MAP3K12: variants seen among roughly 807,000 people sequenced by gnomAD.
MAP3K12 encodes the protein MAPK-upstream kinase.
MAP3K12 carries 14 observed loss-of-function variants against 87.5 expected under a neutral mutation model. The observed-to-expected ratio is 0.16, with a 90% CI of 0.11 to 0.25. MAP3K12 has a LOEUF of 0.25. Ranked by LOEUF, MAP3K12 falls within the 10% of genes least tolerant of loss-of-function variation. MAP3K12 has a pLI of 1.00. For missense variants in MAP3K12, 802 were observed against 1,140.4 expected (o/e 0.70, Z 4.27); for synonymous variants, 469 against 452.5 (o/e 1.04, Z -0.46).
At chr12:53,484,885 A>G (rs543098919) in intron 6 of MAP3K12, 171 bp downstream of exon 6, 2 of 742,766 alleles carry the variant, frequency 2.7e-6, no homozygotes, top group East Asian at 5.4e-5. Flanking sequence ...TTCAGAGTAG[A>G]TACCAATTAC....
chr12:53,483,138 C>G lies in MAP3K12; in HGVS notation c.1665G>C (p.Leu555=). 2.0e-6 allele frequency: 3 copies of G among 1,521,008 alleles called. No individual in the cohort carries two copies. The highest frequency in any genetic ancestry group is 2.3e-5 in the East Asian group (1 of 44,112). 94.2% of individuals were successfully genotyped at this position (1,521,008 alleles called of 1,614,324 possible). The change falls in exon 11 of 14, where the codon CTG becomes CTC. Residue 555 remains leucine (L), a synonymous_variant. Transcript: ENST00000547488. The stretch of plus-strand genomic sequence containing the variant: ...GACACCCAGGAAGCCCCACCCCACT[C>G]AGGGCTGCATCTAGTTTAGGGAGCA... The part of the protein sequence containing the change: ...ESLLPKLDAA[L]SGVGLPGCPK...
At chr12:53,499,391 GCCCCCCAC>G in intron 1 of MAP3K12, 28 bp downstream of exon 1, 1 of 98,200 alleles carries the variant, frequency 1.0e-5, no homozygotes, top group East Asian at 2.5e-4. Context: ...ACCCATCCCT[GCCCCCCAC>G]CCCCCCACAA....
At chr12:53,499,323 C>G (rs1046646706) in intron 1 of MAP3K12, 104 bp downstream of exon 1, 1 of 153,016 alleles carries the variant, frequency 6.5e-6, no homozygotes, top group African/African-American at 2.4e-5. Context: ...GCCATCACCC[C>G]GCACCAGGCC....
intron 1 of MAP3K12, among the ~76,000 whole-genome samples, chr12:53,490,323 T>C (rs1943365135): frequency 1.3e-5 from 2 of 151,100 alleles, no homozygotes; most frequent in African/African-American, 4.9e-5. Flanking sequence ...AAAAAACAGA[T>C]TGGGCCAGGC....
At position 53,482,387 on chromosome 12, in the gene MAP3K12, T is replaced by C; in HGVS notation, c.2239-18A>G. On this transcript the variant is annotated intron_variant, in intron 11 of 13. Coordinates refer to ENST00000547488, the MANE Select transcript of MAP3K12 (RefSeq NM_001193511.2). ...CCACGTTTCTGCAGGAGAGATGGGG[T>C]GGGGGGGGTCTGATTAGAAGTGGAA... 6.3e-7 allele frequency: 1 copy of C among 1,595,284 alleles called. No homozygotes were observed.
At chr12:53,485,764 G>C in intron 4 of MAP3K12, 1 of 513,820 alleles carries the variant, frequency 1.9e-6, no homozygotes, top group South Asian at 2.3e-5. Context: ...CACCATGTTG[G>C]CCAGGATGGT....
chr12:53,485,061 C>T lies in MAP3K12; in HGVS notation c.1134G>A (p.Gln378=). The T allele has an allele frequency of 1.9e-6, 3 of 1,614,184 alleles. No homozygotes were observed. The highest frequency in any genetic ancestry group is 2.5e-6 in the Non-Finnish European group (3 of 1,180,036). Residue 378 remains glutamine, a synonymous_variant, in exon 6 of 14, where the codon CAG becomes CAA. Transcript: ENST00000547488. ...CPDGFKILLR[Q]CWNSKPRNRP... ...CCAGCCCAGACCATCCTTACCAGCA[C>T]TGGCGAAGCAGGATCTTGAAACCAT...
chr12:53,486,723 A>C lies in MAP3K12; in HGVS notation c.446-101T>G. 6.9e-7 allele frequency: 1 copy of C among 1,455,268 alleles called. No homozygotes were observed. 90.1% of individuals were successfully genotyped at this position (1,455,268 alleles called of 1,614,324 possible). ...TGGCTGAATTGACTTAAGGAGGGTG[A>C]GGCAGAAAGCCAAAAATAGGCCAAG... On this transcript the variant is annotated intron_variant, in intron 2 of 13. Coordinates refer to ENST00000547488, the MANE Select transcript of MAP3K12 (RefSeq NM_001193511.2). The surrounding 1 kb of genome is among the most constrained non-coding windows in gnomAD (Gnocchi z 4.9).
In MAP3K12 at chr12:53,481,044, A is replaced by G. The variant is rs1037258857; in HGVS notation, c.*138T>C. On this transcript the variant is annotated 3_prime_UTR_variant, in exon 14 of 14. Coordinates refer to ENST00000547488, the MANE Select transcript of MAP3K12 (RefSeq NM_001193511.2). ...GTTTATCAGGTGAATTGGTCAGGGG[A>G]TCAGTCTCCCTCGAGCCTGACTTAC... 3.2e-5 allele frequency: 8 copies of G among 248,618 alleles called. No individual in the cohort carries two copies. The highest frequency in any genetic ancestry group is 5.0e-5 in the Non-Finnish European group (7 of 141,118). The allele number at this position is 248,618 out of a possible 1,614,324, so 15.4% of individuals were successfully genotyped here.
At chr12:53,484,167 C>T (rs1212190237) in intron 7 of MAP3K12, 90 bp downstream of exon 7, 6 of 1,379,802 alleles carry the variant, frequency 4.3e-6, no homozygotes, top group Admixed American at 1.8e-5. Flanking sequence ...TCTTCAGTCC[C>T]ACTCAACCCA....
At position 53,481,069 on chromosome 12, in the gene MAP3K12, C is replaced by A. The variant is rs375190621; in HGVS notation, c.*113G>T. The A allele has an allele frequency of 2.1e-5, 8 of 377,628 alleles. No homozygotes were observed. Among genetic ancestry groups the A allele is most frequent in the African/African-American group, 1.5e-4 (7 of 45,570 alleles). 23.4% of individuals were successfully genotyped at this position (377,628 alleles called of 1,614,324 possible). A position where few individuals can be genotyped will look rare whatever the true frequency, so the allele number is the denominator to read the frequency against. On this transcript the variant is annotated 3_prime_UTR_variant, in exon 14 of 14. Transcript: ENST00000547488. ...ATCAGTCTCCCTCGAGCCTGACTTA[C>A]GGCTGGGACAGCCCCATCTTTCTGT...
chr12:53,481,469 C>T (rs1839707026), intron 13 of MAP3K12, 189 bp from the exon 14 acceptor site: 1 of 320,110 alleles, frequency 3.1e-6, no homozygotes, highest in Non-Finnish European at 5.8e-6. Flanking sequence ...TCTGCCTCAG[C>T]CTTCTGAGTA....
Position 53,486,171 on chromosome 12 carries a change from G to A in MAP3K12, c.706C>T (p.Arg236Trp). 1 of 1,614,096 alleles carries A rather than the reference G, an allele frequency of 6.2e-7. No homozygotes were observed. The highest frequency in any genetic ancestry group is 8.5e-7 in the Non-Finnish European group (1 of 1,179,996). Reference protein sequence around the residue: ...CAQGQLYEVLRAGRPVTPSLL... With the variant: ...CAQGQLYEVLWAGRPVTPSLL... ...GAGGGGGTGACAGGGCGGCCAGCCCGCAGTACCTCATACAGCTGGCCCTGG... is the reference window on the plus strand; with the variant it reads ...GAGGGGGTGACAGGGCGGCCAGCCCACAGTACCTCATACAGCTGGCCCTGG... Residue 236 changes from arginine to tryptophan, a missense_variant, in exon 4 of 14, where the codon CGG becomes TGG. By Grantham distance (101) the Arg-to-Trp change is moderately radical. Transcript: ENST00000547488. This position sits in a 1 kb window ranked among gnomAD's most constrained non-coding sequence, Gnocchi z 4.9.
upstream of MAP3K12, chr12:53,500,822 C>T (rs1323842904): frequency 1.3e-5 from 2 of 152,722 alleles, no homozygotes; most frequent in African/African-American, 2.4e-5. Context: ...TTGTCTCCGC[C>T]CCTTTAGTCG....
intron 10 of MAP3K12, 65 bp downstream of exon 10, chr12:53,483,284 T>G: frequency 6.3e-7 from 1 of 1,587,256 alleles, no homozygotes; most frequent in Admixed American, 1.7e-5. Flanking sequence ...ATCTCCCTGC[T>G]AATATACCTG....
Position 53,481,162 on chromosome 12 carries a change from A to G in MAP3K12, c.*20T>C. 7.6e-7 allele frequency: 1 copy of G among 1,320,032 alleles called. No homozygotes were observed. The allele number at this position is 1,320,032 out of a possible 1,614,324, so 81.8% of individuals were successfully genotyped here. A position where few individuals can be genotyped will look rare whatever the true frequency, so the allele number is the denominator to read the frequency against. On this transcript the variant is annotated 3_prime_UTR_variant, in exon 14 of 14. Transcript: ENST00000547488. ...AATTTATATAAATATTTCTCTATGT[A>G]CAAGGAATACGAGTGGCTTTCATGG...
At chr12:53,493,311 C>T (rs536739187) in intron 1 of MAP3K12, among the ~76,000 whole-genome samples, 2 of 152,128 alleles carry the variant, frequency 1.3e-5, no homozygotes, top group African/African-American at 2.4e-5. Flanking sequence ...CGGACCCCCA[C>T]CCAGCGGTCT....
At position 53,481,027 on chromosome 12, in the gene MAP3K12, G is replaced by C; in HGVS notation, c.*155C>G. On this transcript the variant is annotated 3_prime_UTR_variant, in exon 14 of 14. Coordinates refer to ENST00000547488, the MANE Select transcript of MAP3K12 (RefSeq NM_001193511.2). ...CTGCCAGTGTCCCTAGAGTTTATCA[G>C]GTGAATTGGTCAGGGGATCAGTCTC... The C allele has an allele frequency of 4.5e-6, 1 of 224,292 alleles. No individual in the cohort carries two copies. The highest frequency in any genetic ancestry group is 8.2e-6 in the Non-Finnish European group (1 of 121,366). 13.9% of individuals were successfully genotyped at this position (224,292 alleles called of 1,614,324 possible).
intron 6 of MAP3K12, 134 bp from the exon 7 acceptor site, chr12:53,484,499 T>C (rs1404807230): frequency 1.1e-5 from 7 of 652,710 alleles, no homozygotes; most frequent in Admixed American, 4.9e-5. Context: ...GAACTTATGG[T>C]CAACTGTCTC....
Sources: gnomAD v4.1 joint callset for allele counts (sites outside exome capture counted in the v4.1 genomes callset) on GRCh38, gnomAD v4.1.1 for gene constraint, Gnocchi (gnomAD v3.1) non-coding constraint, MANE v1.5 for transcripts, NCBI Gene and HGNC (gene_info 2026-07-23, HGNC 2026-07-21) for gene names.